Variants in DPF3 observed in about 807,000 individuals in gnomAD.
DPF3 encodes zinc finger protein DPF3.
In DPF3, 18 loss-of-function variants were observed where a neutral mutation model predicts 56.8. The ratio of observed to expected loss-of-function variants is 0.32; its 90% CI spans 0.22 to 0.47. The LOEUF is 0.47. Ranked by LOEUF, DPF3 falls within the 20% of genes least tolerant of loss-of-function variation. The probability of loss-of-function intolerance (pLI) is 1.00; values close to 1 mark genes in which losing one functional copy is unlikely to be tolerated. For missense variants in DPF3, 403 were observed against 488.8 expected, an observed-to-expected ratio of 0.82 and a Z score of 1.65; for synonymous variants, 188 against 180.2, an observed-to-expected ratio of 1.04 and a Z score of -0.35.
rs2286840 is a variant in DPF3 at position 72,723,833 on chromosome 14, A to C, written c.430-105T>G. On this transcript the variant is annotated intron_variant, in intron 4 of 10. Transcript: ENST00000556509. ...TTCTGATTTGTTGTTATTTTTTAAC[A>C]AAGTGAAGACGCTGCCTTTGCTTGG... 419 of 1,175,828 alleles carry C rather than the reference A, an allele frequency of 3.6e-4. 1 individual carries two copies. The East Asian group carries it at 8.8e-3, about 25-fold the overall frequency. The allele number at this position is 1,175,828 out of a possible 1,614,324, so 72.8% of individuals were successfully genotyped here. A position where few individuals can be genotyped will look rare whatever the true frequency, so the allele number is the denominator to read the frequency against.
At chr14:72,769,213 T>C (rs1334684874) in intron 2 of DPF3, among the ~76,000 whole-genome samples, 5 of 152,132 alleles carry the variant, frequency 3.3e-5, no homozygotes, top group Non-Finnish European at 7.3e-5. Context: ...CCAGGAGCAA[T>C]GAACAGCACT....
chr14:72,834,134 C>T (rs1484740225), intron 1 of DPF3, among the ~76,000 whole-genome samples: 1 of 151,446 alleles, frequency 6.6e-6, no homozygotes, highest in Non-Finnish European at 1.5e-5. Flanking sequence ...GCCGAGACTG[C>T]GCCATTGCAC....
Position 72,616,096 on chromosome 14 carries a change from A to G in DPF3, c.*3201T>C, listed in dbSNP as rs2526931. Among the ~76,000 whole-genome samples, 820 of 152,358 alleles carry G rather than the reference A, an allele frequency of 5.4e-3. 12 individuals are homozygous for G. Among genetic ancestry groups the G allele is most frequent in the African/African-American group, 0.019 (791 of 41,580 alleles). ...ACCATCATCATGCCAGACCCGGGCCAGGATCTTTACCAATGTCACCTTGAA... is the reference window on the plus strand; with the variant it reads ...ACCATCATCATGCCAGACCCGGGCCGGGATCTTTACCAATGTCACCTTGAA... On this transcript the variant is annotated 3_prime_UTR_variant, in exon 11 of 11. Transcript: ENST00000556509.
chr14:72,879,825 G>A (rs1886259380), intron 1 of DPF3: 1 of 1,535,582 alleles, frequency 6.5e-7, no homozygotes, highest in African/African-American at 1.4e-5. Context: ...TGGGCCTCCA[G>A]GGCATCCAGA....
At chr14:72,880,196 C>T (rs1041852230) in intron 1 of DPF3, among the ~76,000 whole-genome samples, 12 of 152,212 alleles carry the variant, frequency 7.9e-5, no homozygotes, top group African/African-American at 2.4e-4. Flanking sequence ...GTGTGCCAGG[C>T]TCTGGGCTAG....
intron 1 of DPF3, among the ~76,000 whole-genome samples, chr14:72,845,001 T>A (rs1046200585): frequency 1.3e-5 from 2 of 152,078 alleles, no homozygotes; most frequent in African/African-American, 4.8e-5. Context: ...CCGTCTGTAG[T>A]TTCAGCTACT....
intron 1 of DPF3, among the ~76,000 whole-genome samples, chr14:72,796,279 A>T (rs1202327012): frequency 1.3e-5 from 2 of 152,188 alleles, no homozygotes; most frequent in South Asian, 2.1e-4. Flanking sequence ...AGGCAGGCAG[A>T]TCACTTGAGC....
chr14:72,855,718 G>A (rs1885147454), intron 1 of DPF3, among the ~76,000 whole-genome samples: 1 of 152,104 alleles, frequency 6.6e-6, no homozygotes, highest in African/African-American at 2.4e-5. Context: ...TGGTGGGGGA[G>A]GCAAAGGATT....
intron 1 of DPF3, among the ~76,000 whole-genome samples, chr14:72,811,761 C>T (rs1285248862): frequency 6.6e-6 from 1 of 152,184 alleles, no homozygotes; most frequent in Non-Finnish European, 1.5e-5. Context: ...TTACACTTTG[C>T]AAAACACTTT....
intron 1 of DPF3, among the ~76,000 whole-genome samples, chr14:72,845,959 AG>A (rs1884733845): frequency 6.6e-6 from 1 of 152,106 alleles, no homozygotes; most frequent in African/African-American, 2.4e-5. Flanking sequence ...CTCTTGCTGA[AG>A]GGCCTCCAGA....
intron 6 of DPF3, among the ~76,000 whole-genome samples, chr14:72,698,803 CACT>C (rs1301076089): frequency 3.9e-5 from 6 of 152,242 alleles, no homozygotes; most frequent in Admixed American, 1.3e-4. Flanking sequence ...CAGGACATAG[CACT>C]ACCATAAGTG....
At chr14:72,750,245 C>A (rs576061842) in intron 3 of DPF3, among the ~76,000 whole-genome samples, 1 of 152,106 alleles carries the variant, frequency 6.6e-6, no homozygotes, top group Non-Finnish European at 1.5e-5. Flanking sequence ...GCTGGACCCA[C>A]AAAAATTGCT....
Position 72,629,476 on chromosome 14 carries a change from C to G in DPF3, c.984+148G>C, listed in dbSNP as rs140315655. On this transcript the variant is annotated intron_variant, in intron 9 of 10. Transcript: ENST00000556509. ...TGTTGACCACTGTCAGTCTCTGAGC[C>G]CTCAAGGGCTAATGGCCAGGTTGCT... 4.6e-6 allele frequency: 3 copies of G among 645,842 alleles called. No individual in the cohort carries two copies. In the East Asian group the frequency reaches 8.2e-5, roughly 18 times the overall value. The allele number at this position is 645,842 out of a possible 1,614,324, so 40.0% of individuals were successfully genotyped here. A position where few individuals can be genotyped will look rare whatever the true frequency, so the allele number is the denominator to read the frequency against.
chr14:72,863,128 GTGTGTGTGTATATATATA>G (rs1885515414), intron 1 of DPF3, among the ~76,000 whole-genome samples: 1 of 92,446 alleles, frequency 1.1e-5, no homozygotes, highest in South Asian at 4.0e-4. Flanking sequence ...ATGTGTGTGT[GTGTGTGTGTATATATATA>G]TGTGTGTGTG....
intron 8 of DPF3, among the ~76,000 whole-genome samples, chr14:72,638,141 C>A (rs1343892362): frequency 6.6e-6 from 1 of 152,174 alleles, no homozygotes; most frequent in Non-Finnish European, 1.5e-5. Context: ...CAGGAAGTGA[C>A]TAAGAGAAGA....
chr14:72,760,356 T>C (rs532133268), intron 2 of DPF3, among the ~76,000 whole-genome samples: 6 of 152,160 alleles, frequency 3.9e-5, no homozygotes, highest in African/African-American at 1.4e-4. Context: ...CTGTAATCCA[T>C]CAACACATCT....
At chr14:72,810,554 G>T (rs561710730) in intron 1 of DPF3, among the ~76,000 whole-genome samples, 1 of 152,126 alleles carries the variant, frequency 6.6e-6, no homozygotes, top group Non-Finnish European at 1.5e-5. Flanking sequence ...CAGCAGCTGG[G>T]TCTCACACAC....
At chr14:72,854,637 T>C (rs185718930) in intron 1 of DPF3, among the ~76,000 whole-genome samples, 8 of 152,328 alleles carry the variant, frequency 5.3e-5, no homozygotes, top group Non-Finnish European at 1.5e-5. Flanking sequence ...ATAGCTATAG[T>C]TGTCATCAGC....
intron 5 of DPF3, among the ~76,000 whole-genome samples, chr14:72,718,557 A>G (rs954182081): frequency 4.6e-5 from 7 of 152,132 alleles, no homozygotes; most frequent in African/African-American, 1.7e-4. Context: ...CTAGTTTAAA[A>G]TTTGTTTTAT....
Sources: gnomAD v4.1 joint callset for allele counts (sites outside exome capture counted in the v4.1 genomes callset) on GRCh38, gnomAD v4.1.1 for gene constraint, MANE v1.5 for transcripts, NCBI Gene and HGNC (gene_info 2026-07-23, HGNC 2026-07-21) for gene names.